The following CHEK1 variants were observed in gnomAD, a reference collection of about 807,000 sequenced individuals.
CHEK1 encodes checkpoint kinase 1, also known as serine/threonine-protein kinase Chk1.
CHEK1 carries 32 observed loss-of-function variants against 60.2 expected under a neutral mutation model. The observed-to-expected ratio is 0.53, with a 90% CI of 0.40 to 0.71. The LOEUF (loss-of-function observed/expected upper bound fraction) is 0.71. Among genes scored for constraint, CHEK1 ranks in the 30% least tolerant of loss-of-function variants. The pLI is 0.00. For missense variants in CHEK1, 399 were observed against 564.6 expected (o/e 0.71, Z 2.97); for synonymous variants, 179 against 187.2 (o/e 0.96, Z 0.36).
chr11:125,652,561 C>T (rs1242016620), intron 11 of CHEK1, among the ~76,000 whole-genome samples: 1 of 152,054 alleles, frequency 6.6e-6, no homozygotes, highest in Non-Finnish European at 1.5e-5. Context: ...ACACTCAATC[C>T]CTAGGAGCTG....
chr11:125,666,986 G>T (rs1233715707), intron 13 of CHEK1, among the ~76,000 whole-genome samples: 3 of 141,964 alleles, frequency 2.1e-5, no homozygotes, highest in Admixed American at 7.0e-5. Context: ...GTTTTTCGGT[G>T]TTTTTTTTTT....
intron 2 of CHEK1, 122 bp downstream of exon 2, chr11:125,626,955 C>A: frequency 9.8e-7 from 1 of 1,021,714 alleles, no homozygotes; most frequent in Non-Finnish European, 1.5e-6. Flanking sequence ...TGAAGTTACA[C>A]AGCCTTTTGC....
chr11:125,678,143 A>C, downstream of CHEK1: 1 of 1,614,190 alleles, frequency 6.2e-7, no homozygotes, highest in East Asian at 2.2e-5. Context: ...GCTCACTGGA[A>C]CCATGCTCAC....
chr11:125,658,514 CGG>C (rs755203096), downstream of CHEK1, among the ~76,000 whole-genome samples: 3 of 151,918 alleles, frequency 2.0e-5, no homozygotes, highest in Non-Finnish European at 2.9e-5. Flanking sequence ...TCCCATTCTG[CGG>C]CTTATTGTTC....
rs536504098 is a variant in CHEK1 at position 125,673,444 on chromosome 11, G to A, written c.*28-2484G>A. 4.7e-5 allele frequency among the ~76,000 whole-genome samples: 7 copies of A among 148,808 alleles called. 1 individual carries two copies. The highest frequency in any genetic ancestry group is 7.3e-5 in the African/African-American group (3 of 40,850). ...TCTCGATCTCCTGACCTTGTGATCCGCCCACCTCAGCCTCCCAAAGCGCTG... is the reference window on the plus strand; with the variant it reads ...TCTCGATCTCCTGACCTTGTGATCCACCCACCTCAGCCTCCCAAAGCGCTG... On this transcript the variant is annotated intron_variant, in intron 13 of 13. Transcript: ENST00000428830.
intron 6 of CHEK1, among the ~76,000 whole-genome samples, chr11:125,633,808 A>G (rs1013126687): frequency 1.3e-5 from 2 of 152,164 alleles, no homozygotes; most frequent in African/African-American, 4.8e-5. Flanking sequence ...TGCTGTAACA[A>G]AGTATCATAG....
At chr11:125,670,748 G>A (rs979857810) in intron 13 of CHEK1, among the ~76,000 whole-genome samples, 9 of 152,164 alleles carry the variant, frequency 5.9e-5, no homozygotes, top group African/African-American at 1.7e-4. Context: ...TTGCCAGCCT[G>A]TGATGCATGG....
At chr11:125,663,493 C>A (rs1942052362) in intron 13 of CHEK1, among the ~76,000 whole-genome samples, 1 of 151,956 alleles carries the variant, frequency 6.6e-6, no homozygotes, top group South Asian at 2.1e-4. Context: ...TATTAGAGAG[C>A]AGTTTTTATT....
intron 13 of CHEK1, among the ~76,000 whole-genome samples, chr11:125,666,206 ATTTGT>A (rs963142734): frequency 1.8e-4 from 26 of 144,792 alleles, no homozygotes; most frequent in African/African-American, 6.1e-4. Context: ...TTCCATTTTC[ATTTGT>A]TTTAAGAAAT....
At chr11:125,664,947 T>TTG (rs1478750904) in intron 13 of CHEK1, among the ~76,000 whole-genome samples, 2 of 152,144 alleles carry the variant, frequency 1.3e-5, no homozygotes, top group Non-Finnish European at 2.9e-5. Flanking sequence ...CAGTTGATTT[T>TTG]TGTGTGTGTG....
At chr11:125,649,522 G>A (rs1250963170) in intron 11 of CHEK1, among the ~76,000 whole-genome samples, 1 of 152,044 alleles carries the variant, frequency 6.6e-6, no homozygotes, top group Non-Finnish European at 1.5e-5. Context: ...CCAGGAGTTT[G>A]AGACCAGCCT....
intron 13 of CHEK1, chr11:125,672,340 A>T: frequency 2.3e-6 from 1 of 440,436 alleles, no homozygotes; most frequent in Non-Finnish European, 4.0e-6. Context: ...TGTGTGCTTT[A>T]ACCATGTGAA....
intron 8 of CHEK1, among the ~76,000 whole-genome samples, chr11:125,638,892 T>C (rs1302585742): frequency 1.3e-5 from 2 of 152,174 alleles, no homozygotes; most frequent in Non-Finnish European, 2.9e-5. Flanking sequence ...CCTATAGTGA[T>C]GTTGTCTTTG....
intron 11 of CHEK1, among the ~76,000 whole-genome samples, chr11:125,649,465 T>G (rs1941625937): frequency 6.6e-6 from 1 of 152,198 alleles, no homozygotes; most frequent in South Asian, 2.1e-4. Context: ...GGCTGACACC[T>G]GTAATTCCAG....
chr11:125,633,565 A>G (rs1339053994), intron 6 of CHEK1, among the ~76,000 whole-genome samples: 1 of 151,980 alleles, frequency 6.6e-6, no homozygotes, highest in East Asian at 1.9e-4. Flanking sequence ...CTCTGGCCTC[A>G]CTCTTCCAAG....
downstream of CHEK1, chr11:125,676,605 T>G (rs539961718): frequency 4.5e-5 from 54 of 1,188,396 alleles, no homozygotes; most frequent in South Asian, 7.9e-4. Flanking sequence ...TAGTTCTTTT[T>G]GGGGATCTGG....
intron 8 of CHEK1, among the ~76,000 whole-genome samples, chr11:125,641,023 A>T (rs1941281965): frequency 1.3e-5 from 2 of 152,064 alleles, no homozygotes; most frequent in African/African-American, 4.8e-5. Context: ...TCCTTTTTCC[A>T]GTGTATTCAC....
Position 125,643,831 on chromosome 11 carries a change from A to G in CHEK1, c.854A>G (p.Glu285Gly), listed in dbSNP as rs1260622411. The G allele has an allele frequency of 1.2e-6, 2 of 1,614,180 alleles. No homozygotes were observed. Among genetic ancestry groups the G allele is most frequent in the Admixed American group, 1.7e-5 (1 of 60,016 alleles). The change falls in exon 9 of 13, where the codon GAG (glutamate) becomes GGG (glycine). Residue 285 changes from glutamate to glycine, a missense_variant. Physicochemically the swap from Glu to Gly is moderately conservative, Grantham distance 98. This residue lies in a region of CHEK1 where 370 missense variants were observed against 494.8 expected (regional missense o/e 0.75). Transcript: ENST00000438015. ...RPRVTSGGVS[E>G]SPSGFSKHIQ... ...CGAGTCACTTCAGGTGGTGTGTCAGAGTCTCCCAGTGGATTTTCTAAGCAC... is the reference window on the plus strand; with the variant it reads ...CGAGTCACTTCAGGTGGTGTGTCAGGGTCTCCCAGTGGATTTTCTAAGCAC...
rs759927705 is a variant in CHEK1 at position 125,635,544 on chromosome 11, T to TCA, written c.718+11_718+12insCA. ...ATTCTGCTCCTCTAGGTAACTGAATTATCTTGAGTGAAAGAGTACCGATTT... is the reference window on the plus strand; with the variant it reads ...ATTCTGCTCCTCTAGGTAACTGAATTCAATCTTGAGTGAAAGAGTACCGATTT... On this transcript the variant is annotated intron_variant, in intron 7 of 12. Coordinates refer to ENST00000438015, the MANE Select transcript of CHEK1 (RefSeq NM_001114122.3). The TCA allele has an allele frequency of 1.5e-5, 23 of 1,523,622 alleles. No individual in the cohort carries two copies. The highest frequency in any genetic ancestry group is 2.0e-5 in the Non-Finnish European group (22 of 1,116,582). The allele number at this position is 1,523,622 out of a possible 1,614,324, so 94.4% of individuals were successfully genotyped here. A position where few individuals can be genotyped will look rare whatever the true frequency, so the allele number is the denominator to read the frequency against.
Sources: allele counts gnomAD v4.1 joint callset (sites outside exome capture counted in the v4.1 genomes callset), GRCh38; gene constraint gnomAD v4.1.1; regional missense constraint gnomAD v4.1.1; transcripts MANE v1.5; gene names NCBI Gene and HGNC (gene_info 2026-07-23, HGNC 2026-07-21).